The following SYNJ2 variants were observed in gnomAD, a reference collection of about 807,000 sequenced individuals.
SYNJ2 encodes the protein synaptojanin 2.
A neutral mutation model predicts 141.3 loss-of-function variants in SYNJ2; 116 were observed. That is an observed-to-expected ratio of 0.82 (90% CI 0.71 to 0.96). The LOEUF is 0.96. SYNJ2 is among the 40% of genes least tolerant of loss of function. The pLI is 0.00. For synonymous variants in SYNJ2, 745 were observed against 777.7 expected, an observed-to-expected ratio of 0.96 and a Z score of 0.70; for missense variants, 1,873 against 1,934.8, an observed-to-expected ratio of 0.97 and a Z score of 0.60.
intron 1 of SYNJ2, among the ~76,000 whole-genome samples, chr6:158,000,457 C>T (rs1353522692): frequency 1.3e-5 from 2 of 152,254 alleles, no homozygotes; most frequent in African/African-American, 2.4e-5. Context: ...GAGCCTGGGG[C>T]TCAGTAGGCC....
chr6:158,008,266 T>C (rs2128323585), intron 1 of SYNJ2, among the ~76,000 whole-genome samples: 1 of 152,328 alleles, frequency 6.6e-6, no homozygotes, highest in East Asian at 1.9e-4. Flanking sequence ...AGCCACCACG[T>C]CTGGCCATGG....
At chr6:158,074,489 C>G in intron 15 of SYNJ2, 91 bp from the exon 16 acceptor site, 7 of 1,377,868 alleles carry the variant, frequency 5.1e-6, no homozygotes, top group Non-Finnish European at 6.9e-6. Context: ...GAGAAAAATA[C>G]TCCTGCTTGC....
chr6:158,074,923 CTTTT>C (rs66487650), intron 16 of SYNJ2, among the ~76,000 whole-genome samples, 185 bp downstream of exon 16: 1 of 144,268 alleles, frequency 6.9e-6, no homozygotes, highest in Admixed American at 7.0e-5. Flanking sequence ...ACTTCCTGTC[CTTTT>C]TTTTTTTTTT....
At chr6:158,014,829 C>T (rs1474534364) in intron 1 of SYNJ2, among the ~76,000 whole-genome samples, 1 of 152,254 alleles carries the variant, frequency 6.6e-6, no homozygotes, top group African/African-American at 2.4e-5. Flanking sequence ...CTGAGCGAGG[C>T]AGCTCTAGGG....
chr6:158,010,693 G>A (rs1304441404), intron 1 of SYNJ2, among the ~76,000 whole-genome samples: 1 of 152,210 alleles, frequency 6.6e-6, no homozygotes, highest in Non-Finnish European at 1.5e-5. Flanking sequence ...CAGTTGTAAC[G>A]CTGAGATGAG....
intron 1 of SYNJ2, among the ~76,000 whole-genome samples, chr6:157,996,590 G>A (rs1295532555): frequency 6.6e-6 from 1 of 152,118 alleles, no homozygotes; most frequent in Non-Finnish European, 1.5e-5. Flanking sequence ...TTGGATCTAT[G>A]TCCCCACCCG....
In SYNJ2 at chr6:157,982,083, C is replaced by T; in HGVS notation, c.122C>T (p.Thr41Met). 7.5e-7 allele frequency: 1 copy of T among 1,334,282 alleles called. No individual in the cohort carries two copies. The highest frequency in any genetic ancestry group is 1.5e-5 in the African/African-American group (1 of 65,262). The allele number at this position is 1,334,282 out of a possible 1,614,324, so 82.7% of individuals were successfully genotyped here. A position where few individuals can be genotyped will look rare whatever the true frequency, so the allele number is the denominator to read the frequency against. ...CTGTTCGAGGCCGGCACGGTGGCCA[C>T]GCTGGGTGAGTCCGGGCCGGGGGCA... ...CLLFEAGTVA[T>M]LAPEEKEVIK... Residue 41 changes from threonine (T) to methionine (M), a missense_variant, in exon 1 of 27, where the codon ACG (threonine) becomes ATG (methionine). By Grantham distance (81) the Thr-to-Met change is moderately conservative (BLOSUM62 -1). Transcript: ENST00000355585. This position sits in a 1 kb window ranked among gnomAD's most constrained non-coding sequence, Gnocchi z 4.0.
In SYNJ2 at chr6:158,029,394, C is replaced by CAAA. The variant is rs59043421; in HGVS notation, c.485+387_485+389dup. The CAAA allele has an allele frequency of 6.9e-3, 640 of 92,544 alleles. 7 individuals carry two copies. The highest frequency in any genetic ancestry group is 0.013 in the South Asian group (35 of 2,748). The allele number at this position is 92,544 out of a possible 1,614,324, so 5.7% of individuals were successfully genotyped here. Reference sequence around the variant, plus strand: ...TGAAAGCCCATCTCTACTAAAAATACAAAAAAAAAAAAAAAAAAAAATTAG... The same window carrying CAAA: ...TGAAAGCCCATCTCTACTAAAAATACAAAAAAAAAAAAAAAAAAAAAAAATTAG... On this transcript the variant is annotated intron_variant, in intron 3 of 26. Coordinates refer to ENST00000355585, the MANE Select transcript of SYNJ2 (RefSeq NM_003898.4).
intron 12 of SYNJ2, chr6:158,068,008 A>AT (rs1295826868): frequency 4.1e-6 from 4 of 984,604 alleles, no homozygotes; most frequent in East Asian, 2.3e-4. Flanking sequence ...TTTGCAGGGG[A>AT]TTTTTTTGGG....
At chr6:158,002,391 T>G (rs1003402209) in intron 1 of SYNJ2, 1 of 152,084 alleles carries the variant, frequency 6.6e-6, no homozygotes, top group Non-Finnish European at 1.5e-5. Context: ...CATGTGGAAA[T>G]AGGGAGGCGG....
Position 158,028,871 on chromosome 6 carries a change from G to A in SYNJ2, c.330G>A (p.Glu110=). 1 of 1,614,232 alleles carries A rather than the reference G, an allele frequency of 6.2e-7. No individual in the cohort carries two copies. Among genetic ancestry groups the A allele is most frequent in the South Asian group, 1.1e-5 (1 of 91,086 alleles). Residue 110 remains glutamate, a synonymous_variant, in exon 3 of 27, where the codon GAG becomes GAA. Transcript: ENST00000355585. ...CTGACTTTTACCCTCTTCAGGAAGA[G>A]GCCAAGGAGGAGGAACGCCTCATAG... The part of the protein sequence containing the change: ...TATDFYPLQE[E]AKEEERLIAL...
At chr6:158,000,778 C>T (rs558673773) in intron 1 of SYNJ2, among the ~76,000 whole-genome samples, 1 of 152,120 alleles carries the variant, frequency 6.6e-6, no homozygotes, top group Non-Finnish European at 1.5e-5. Context: ...CGCACTCCCC[C>T]CAAGCTGGGC....
At chr6:157,991,936 C>A (rs537493772) in intron 1 of SYNJ2, among the ~76,000 whole-genome samples, 5 of 152,254 alleles carry the variant, frequency 3.3e-5, no homozygotes, top group Admixed American at 6.5e-5. Flanking sequence ...TGTGCTGATT[C>A]CATGGCTGGT....
rs13203922 is a variant in SYNJ2 at position 158,017,991 on chromosome 6, G to A, written c.214+701G>A. On this transcript the variant is annotated intron_variant, in intron 2 of 26. Transcript: ENST00000355585. ...AGATGTGCCAAGGCGGGTGGGTGAA[G>A]ACAGGGACCAGGGCAGATGCCCGGG... Among the ~76,000 whole-genome samples, 1,380 of 152,328 alleles carry A rather than the reference G, an allele frequency of 9.1e-3. 17 individuals are homozygous for A. Among genetic ancestry groups the A allele is most frequent in the African/African-American group, 0.028 (1,149 of 41,576 alleles).
Position 158,096,443 on chromosome 6 carries a change from C to A in SYNJ2, c.*79C>A. On this transcript the variant is annotated 3_prime_UTR_variant, in exon 27 of 27. Transcript: ENST00000355585. ...GACATCCCTCCACCAGAAGAGACATCTATTTAAAGGCACACTGGCCAAAAC... is the reference window on the plus strand; with the variant it reads ...GACATCCCTCCACCAGAAGAGACATATATTTAAAGGCACACTGGCCAAAAC... 1 of 1,478,132 alleles carries A rather than the reference C, an allele frequency of 6.8e-7. No homozygotes were observed. Among genetic ancestry groups the A allele is most frequent in the Non-Finnish European group, 9.0e-7 (1 of 1,114,558 alleles). 91.6% of individuals were successfully genotyped at this position (1,478,132 alleles called of 1,614,324 possible).
intron 1 of SYNJ2, among the ~76,000 whole-genome samples, chr6:158,014,601 A>G (rs956421249): frequency 1.3e-5 from 2 of 152,244 alleles, no homozygotes; most frequent in African/African-American, 2.4e-5. Context: ...ACATCTTACC[A>G]TCAGTCCTGC....
chr6:158,010,980 C>T (rs113124016), intron 1 of SYNJ2, among the ~76,000 whole-genome samples: 5 of 136,572 alleles, frequency 3.7e-5, no homozygotes, highest in East Asian at 2.2e-4. Flanking sequence ...GGGATGGCCA[C>T]GTGATGATGG....
At chr6:158,004,203 T>C (rs1221907313) in intron 1 of SYNJ2, among the ~76,000 whole-genome samples, 1 of 152,058 alleles carries the variant, frequency 6.6e-6, no homozygotes, top group Non-Finnish European at 1.5e-5. Context: ...CTGGGTCAAA[T>C]GGATCTGAGA....
At chr6:158,013,016 T>C (rs992319281) in intron 1 of SYNJ2, among the ~76,000 whole-genome samples, 1 of 152,246 alleles carries the variant, frequency 6.6e-6, no homozygotes, top group Non-Finnish European at 1.5e-5. Context: ...TTAACCTTTT[T>C]GGGGGCACCG....
Sources: allele counts gnomAD v4.1 joint callset (sites outside exome capture counted in the v4.1 genomes callset), GRCh38; gene constraint gnomAD v4.1.1; non-coding constraint Gnocchi (gnomAD v3.1); transcripts MANE v1.5; gene names NCBI Gene and HGNC (gene_info 2026-07-23, HGNC 2026-07-21).